Variants in STYX observed in about 807,000 individuals in gnomAD.
STYX encodes the protein serine/threonine/tyrosine-interacting protein.
Under a neutral mutation model 42.7 loss-of-function variants are expected in STYX, and 20 were observed. The ratio of observed to expected loss-of-function variants is 0.47; its 90% CI spans 0.33 to 0.68. The LOEUF (loss-of-function observed/expected upper bound fraction) is 0.68. STYX is among the 30% of genes least tolerant of loss of function. The pLI is 0.02. For missense variants in STYX, 226 were observed against 268.5 expected, an observed-to-expected ratio of 0.84 and a Z score of 1.11; for synonymous variants, 78 against 81.9, an observed-to-expected ratio of 0.95 and a Z score of 0.26.
At chr14:52,768,685 GAC>G (rs546265190) in intron 9 of STYX, among the ~76,000 whole-genome samples, 153 bp from the exon 10 acceptor site, 14 of 152,010 alleles carry the variant, frequency 9.2e-5, no homozygotes, top group Non-Finnish European at 1.3e-4. Context: ...GAATTTATGA[GAC>G]AGGAATTTTA....
In STYX at chr14:52,772,379, C is replaced by G. The variant is rs1436853907; in HGVS notation, c.*1273C>G. ...GACATTCAGTTAGTCCAGATCTGCC[C>G]CATAATTTGCTTTAGTAAAGTCACT... is the stretch of plus-strand genomic sequence containing the variant. On this transcript the variant is annotated 3_prime_UTR_variant, in exon 11 of 11. Coordinates refer to ENST00000354586, the MANE Select transcript of STYX (RefSeq NM_145251.4). The G allele has an allele frequency of 6.6e-6, 1 of 152,286 alleles. No homozygotes were observed. The highest frequency in any genetic ancestry group is 1.5e-5 in the Non-Finnish European group (1 of 67,976). The allele number at this position is 152,286 out of a possible 1,614,324, so 9.4% of individuals were successfully genotyped here. A position where few individuals can be genotyped will look rare whatever the true frequency, so the allele number is the denominator to read the frequency against.
At position 52,744,834 on chromosome 14, in the gene STYX, TTA is replaced by T; in HGVS notation, c.58-16_58-15del. On this transcript the variant is annotated splice_polypyrimidine_tract_variant and intron_variant, in intron 1 of 10. Coordinates refer to ENST00000354586, the MANE Select transcript of STYX (RefSeq NM_145251.4). ...TTTTAAATGTTATCTACTTTTATTC[TTA>T]TGTTTTCCTTCCCAGGAGTGGACCT... is the stretch of plus-strand genomic sequence containing the variant. The T allele has an allele frequency of 6.2e-7, 1 of 1,612,182 alleles. No homozygotes were observed. Among genetic ancestry groups the T allele is most frequent in the Non-Finnish European group, 8.5e-7 (1 of 1,178,994 alleles).
chr14:52,731,519 C>T (rs1880700329), intron 1 of STYX: 2 of 147,408 alleles, frequency 1.4e-5, no homozygotes, highest in South Asian at 4.3e-4. Context: ...CTCACTGCAA[C>T]CTCCGCCTTC....
At chr14:52,734,501 C>G (rs1880868426) in intron 1 of STYX, among the ~76,000 whole-genome samples, 1 of 152,144 alleles carries the variant, frequency 6.6e-6, no homozygotes, top group Non-Finnish European at 1.5e-5. Context: ...TTAGCATAAT[C>G]AGGTTTGATC....
chr14:52,768,956 A>G (rs949827192), intron 10 of STYX, 23 bp downstream of exon 10: 9 of 1,535,250 alleles, frequency 5.9e-6, no homozygotes, highest in African/African-American at 2.8e-5. Context: ...TTCTTTTTGG[A>G]GAAATTTGGG....
At chr14:52,735,933 G>C (rs1209656086) in intron 1 of STYX, among the ~76,000 whole-genome samples, 1 of 152,112 alleles carries the variant, frequency 6.6e-6, no homozygotes, top group African/African-American at 2.4e-5. Flanking sequence ...ACTTTTTCAT[G>C]AATTTCCATT....
At chr14:52,744,918 A>C (rs1170508073) in intron 2 of STYX, 34 bp downstream of exon 2, 2 of 1,605,684 alleles carry the variant, frequency 1.2e-6, no homozygotes, top group Middle Eastern at 1.7e-4. Context: ...AAACCAACCC[A>C]TGTTATTATC....
chr14:52,735,267 T>G (rs1026979277), intron 1 of STYX, among the ~76,000 whole-genome samples: 9 of 152,178 alleles, frequency 5.9e-5, no homozygotes, highest in Non-Finnish European at 1.2e-4. Context: ...GCTTGGTTAT[T>G]GAGGAATAAA....
At chr14:52,758,295 A>G (rs1881954318) in intron 8 of STYX, among the ~76,000 whole-genome samples, 1 of 152,204 alleles carries the variant, frequency 6.6e-6, no homozygotes, top group South Asian at 2.1e-4. Context: ...ATCTATTTAC[A>G]ATTCAGAGTA....
intron 1 of STYX, 31 bp from the exon 2 acceptor site, chr14:52,744,821 T>C (rs760594592): frequency 8.1e-6 from 13 of 1,609,072 alleles, no homozygotes; most frequent in East Asian, 2.2e-5. Context: ...TTAAATGTTA[T>C]CTACTTTTAT....
chr14:52,770,936 G>GTA (rs1882485939), intron 10 of STYX, 97 bp from the exon 11 acceptor site: 1 of 1,015,980 alleles, frequency 9.8e-7, no homozygotes, highest in African/African-American at 1.6e-5. Flanking sequence ...TTTTCATAGT[G>GTA]TATACATGAT....
At chr14:52,751,925 G>A (rs921100654) in intron 4 of STYX, among the ~76,000 whole-genome samples, 1 of 152,146 alleles carries the variant, frequency 6.6e-6, no homozygotes, top group African/African-American at 2.4e-5. Flanking sequence ...CATTTTGGGA[G>A]GCCGAGGTGG....
At chr14:52,734,797 C>G (rs1186425050) in intron 1 of STYX, among the ~76,000 whole-genome samples, 1 of 152,202 alleles carries the variant, frequency 6.6e-6, no homozygotes, top group Non-Finnish European at 1.5e-5. Context: ...CGTGGTGGCT[C>G]ACGCCTGTAA....
At chr14:52,767,928 A>T (rs972337454) in intron 9 of STYX, among the ~76,000 whole-genome samples, 3 of 152,184 alleles carry the variant, frequency 2.0e-5, no homozygotes, top group African/African-American at 7.2e-5. Context: ...GCTTGGCTAC[A>T]TGCAACCAAA....
In STYX at chr14:52,757,763, A is replaced by G; in HGVS notation, c.361A>G (p.Asn121Asp). 1 of 1,613,540 alleles carries G rather than the reference A, an allele frequency of 6.2e-7. No individual in the cohort carries two copies. Among genetic ancestry groups the G allele is most frequent in the Non-Finnish European group, 8.5e-7 (1 of 1,179,740 alleles). ...TTCAGGAAAAGTTCTTGTGCATGGA[A>G]ATGCAGGGATCTCCAGAAGGTATGA... is the stretch of plus-strand genomic sequence containing the variant. ...QMGGKVLVHG[N>D]AGISRSAAFV... The change falls in exon 7 of 11, where the codon AAT becomes GAT. Residue 121 changes from asparagine (N) to aspartate (D), a missense_variant. By Grantham distance (23) the Asn-to-Asp change is conservative. Coordinates refer to ENST00000354586, the MANE Select transcript of STYX (RefSeq NM_145251.4).
Position 52,774,225 on chromosome 14 carries a change from A to C in STYX, c.*3119A>C, listed in dbSNP as rs536697292. On this transcript the variant is annotated 3_prime_UTR_variant, in exon 11 of 11. Transcript: ENST00000354586. ...CTGAGTTTAGAAGTAATGTCAGAAA[A>C]TGTTAAGCATGTCTGTATTAAGAAA... 12 of 152,298 alleles carry C rather than the reference A, an allele frequency of 7.9e-5. No individual in the cohort carries two copies. Among genetic ancestry groups the C allele is most frequent in the South Asian group, 2.1e-4 (1 of 4,822 alleles). 9.4% of individuals were successfully genotyped at this position (152,298 alleles called of 1,614,324 possible). A position where few individuals can be genotyped will look rare whatever the true frequency, so the allele number is the denominator to read the frequency against.
At chr14:52,755,080 C>T (rs1881796768) in intron 4 of STYX, among the ~76,000 whole-genome samples, 1 of 151,426 alleles carries the variant, frequency 6.6e-6, no homozygotes, top group Non-Finnish European at 1.5e-5. Context: ...TTCCTCAGAT[C>T]CTGAGGTTCA....
intron 1 of STYX, among the ~76,000 whole-genome samples, chr14:52,743,210 A>G (rs901365700): frequency 6.6e-6 from 1 of 152,144 alleles, no homozygotes; most frequent in African/African-American, 2.4e-5. Context: ...GTTAAAAAAA[A>G]AAACCTGTCT....
intron 1 of STYX, among the ~76,000 whole-genome samples, chr14:52,730,815 T>C (rs1880668452): frequency 1.3e-5 from 2 of 152,206 alleles, no homozygotes; most frequent in African/African-American, 4.8e-5. Flanking sequence ...GGAGTAAGGT[T>C]CCTCTTTTAT....
Sources: gnomAD v4.1 joint callset for allele counts (sites outside exome capture counted in the v4.1 genomes callset) on GRCh38, gnomAD v4.1.1 for gene constraint, MANE v1.5 for transcripts, NCBI Gene and HGNC (gene_info 2026-07-23, HGNC 2026-07-21) for gene names.